Variants in FAM13A observed in about 807,000 individuals in gnomAD.
FAM13A encodes protein FAM13A.
In FAM13A, 76 loss-of-function variants were observed where a neutral mutation model predicts 129.6. The observed-to-expected ratio is 0.59, with a 90% CI of 0.49 to 0.71. The LOEUF is 0.71. Ranked by LOEUF, FAM13A falls within the 30% of genes least tolerant of loss-of-function variation. FAM13A has a pLI of 0.00. For synonymous variants in FAM13A, 443 were observed against 449.9 expected (o/e 0.98, Z 0.20); for missense variants, 1,108 against 1,249.3 (o/e 0.89, Z 1.70).
At position 88,958,976 on chromosome 4, in the gene FAM13A, C is replaced by A. The variant is rs202066605; in HGVS notation, c.606-20735G>T. On this transcript the variant is annotated intron_variant, in intron 4 of 23. Transcript: ENST00000264344. The stretch of plus-strand genomic sequence containing the variant: ...GAAGTCAAAGGAGATTATTTTGGAA[C>A]TTTACAATTTAATGACTGCCCTGCT... 6.6e-5 allele frequency among the ~76,000 whole-genome samples: 10 copies of A among 152,338 alleles called. No homozygotes were observed. In the East Asian group the frequency reaches 1.9e-3, roughly 29 times the overall value.
chr4:88,733,480 G>A (rs1023805594), intron 21 of FAM13A, among the ~76,000 whole-genome samples: 1 of 152,168 alleles, frequency 6.6e-6, no homozygotes, highest in African/African-American at 2.4e-5. Flanking sequence ...TTTTGTTTTA[G>A]TAAGAGTAAT....
chr4:88,990,776 G>A, intron 4 of FAM13A, 197 bp downstream of exon 4: 3 of 441,002 alleles, frequency 6.8e-6, no homozygotes, highest in Non-Finnish European at 1.2e-5. Context: ...TTATAGTTTT[G>A]TAAAAAGGGC....
chr4:88,972,058 TTAAA>T (rs558136447), intron 4 of FAM13A, among the ~76,000 whole-genome samples: 14 of 152,232 alleles, frequency 9.2e-5, no homozygotes, highest in African/African-American at 3.1e-4. Flanking sequence ...ATATACATAA[TTAAA>T]TATATTGTTA....
At chr4:88,899,460 C>T (rs1216489224) in intron 6 of FAM13A, among the ~76,000 whole-genome samples, 1 of 151,800 alleles carries the variant, frequency 6.6e-6, no homozygotes, top group Admixed American at 6.6e-5. Flanking sequence ...CCCAATACCA[C>T]CTGTTCCCTA....
At chr4:89,030,703 G>C (rs1355751844) in intron 1 of FAM13A, among the ~76,000 whole-genome samples, 1 of 152,150 alleles carries the variant, frequency 6.6e-6, no homozygotes, top group South Asian at 2.1e-4. Flanking sequence ...GAACTAGTAA[G>C]AGACAGTTTC....
At chr4:88,900,994 C>T (rs935541874) in intron 6 of FAM13A, among the ~76,000 whole-genome samples, 1 of 152,014 alleles carries the variant, frequency 6.6e-6, no homozygotes, top group African/African-American at 2.4e-5. Context: ...GGTTGTAATC[C>T]TAGTTTCTGA....
intron 7 of FAM13A, among the ~76,000 whole-genome samples, chr4:88,817,775 A>G (rs1280264659): frequency 2.6e-5 from 4 of 152,194 alleles, no homozygotes; most frequent in Non-Finnish European, 4.4e-5. Context: ...AAACCATTCC[A>G]GAGGTCATCT....
At chr4:88,963,750 A>C (rs1393260149) in intron 4 of FAM13A, among the ~76,000 whole-genome samples, 1 of 152,226 alleles carries the variant, frequency 6.6e-6, no homozygotes, top group East Asian at 1.9e-4. Context: ...TTTAGGGACC[A>C]GTCTATTAGT....
At chr4:88,813,765 C>T (rs1479630724) in intron 7 of FAM13A, among the ~76,000 whole-genome samples, 1 of 152,168 alleles carries the variant, frequency 6.6e-6, no homozygotes, top group East Asian at 1.9e-4. Context: ...AGGCTTGTTT[C>T]TGACATCATC....
chr4:88,848,453 G>A (rs375937575), intron 7 of FAM13A, among the ~76,000 whole-genome samples: 1 of 152,160 alleles, frequency 6.6e-6, no homozygotes, highest in East Asian at 1.9e-4. Flanking sequence ...AAAAACCCCA[G>A]ATGAAACACA....
intron 10 of FAM13A, among the ~76,000 whole-genome samples, chr4:88,783,460 G>A (rs528941565): frequency 1.7e-4 from 26 of 151,916 alleles, no homozygotes; most frequent in Non-Finnish European, 2.2e-4. Context: ...CCACCACACT[G>A]GCTAATTTTT....
chr4:89,047,158 G>T (rs1419786923), intron 1 of FAM13A, among the ~76,000 whole-genome samples: 3 of 152,170 alleles, frequency 2.0e-5, no homozygotes, highest in Admixed American at 6.5e-5. Context: ...GTTATCGGGG[G>T]TGGGGTGGAG....
chr4:88,924,451 G>T (rs1751730718), intron 5 of FAM13A, among the ~76,000 whole-genome samples: 1 of 152,128 alleles, frequency 6.6e-6, no homozygotes, highest in African/African-American at 2.4e-5. Context: ...CAAGAAATGG[G>T]GAAAGGGTTC....
chr4:88,901,110 T>C (rs567357519), intron 6 of FAM13A, among the ~76,000 whole-genome samples: 4 of 152,250 alleles, frequency 2.6e-5, no homozygotes, highest in African/African-American at 4.8e-5. Flanking sequence ...TAAATATATA[T>C]GCACCCAATA....
At chr4:88,993,990 C>CA (rs777042795) in intron 3 of FAM13A, among the ~76,000 whole-genome samples, 6,330 of 124,484 alleles carry the variant, frequency 0.051, 198 homozygotes, top group East Asian at 0.18. Flanking sequence ...GACCCTGCCT[C>CA]AAAAAAAAAA....
chr4:88,730,485 CGG>C, intron 23 of FAM13A, among the ~76,000 whole-genome samples: 1 of 152,126 alleles, frequency 6.6e-6, no homozygotes, highest in East Asian at 1.9e-4. Flanking sequence ...CTTGGCCTCC[CGG>C]GTTCAAGTGA....
intron 21 of FAM13A, among the ~76,000 whole-genome samples, chr4:88,734,671 C>T (rs139102981): frequency 1.6e-3 from 250 of 152,282 alleles, no homozygotes; most frequent in East Asian, 0.016. Context: ...TTTTGGCTGT[C>T]ACGACTGGTG....
At chr4:88,996,379 A>T (rs1763541574) in intron 3 of FAM13A, among the ~76,000 whole-genome samples, 1 of 152,196 alleles carries the variant, frequency 6.6e-6, no homozygotes, top group Non-Finnish European at 1.5e-5. Flanking sequence ...TCTAGAAGGA[A>T]AGGGCCTGGG....
intron 4 of FAM13A, among the ~76,000 whole-genome samples, chr4:88,974,041 T>C (rs936283221): frequency 6.6e-6 from 1 of 152,168 alleles, no homozygotes; most frequent in Non-Finnish European, 1.5e-5. Flanking sequence ...TCTAGTATAT[T>C]TCAAATTGGT....
Sources: gnomAD v4.1 joint callset for allele counts (sites outside exome capture counted in the v4.1 genomes callset) on GRCh38, gnomAD v4.1.1 for gene constraint, MANE v1.5 for transcripts, NCBI Gene and HGNC (gene_info 2026-07-23, HGNC 2026-07-21) for gene names.